PALM2AKAP2: variants seen among roughly 807,000 people sequenced by gnomAD.
PALM2AKAP2 encodes PALM2-AKAP2 fusion protein.
PALM2AKAP2 carries 37 observed loss-of-function variants against 71.5 expected under a neutral mutation model. That is an observed-to-expected ratio of 0.52 (90% CI 0.40 to 0.68). PALM2AKAP2 has a LOEUF of 0.68. Ranked by LOEUF, PALM2AKAP2 falls within the 30% of genes least tolerant of loss-of-function variation. The probability of loss-of-function intolerance (pLI) is 0.00; values close to 1 mark genes in which losing one functional copy is unlikely to be tolerated. For missense variants in PALM2AKAP2, 1,224 were observed against 1,191.8 expected (o/e 1.03, Z -0.40); for synonymous variants, 468 against 478.8 (o/e 0.98, Z 0.29).
At chr9:109,719,473 A>C (rs1828374183) in intron 1 of PALM2AKAP2, among the ~76,000 whole-genome samples, 1 of 152,244 alleles carries the variant, frequency 6.6e-6, no homozygotes, top group South Asian at 2.1e-4. Context: ...CCCAAATTCT[A>C]GATTCTGATT....
At chr9:109,885,903 A>G (rs962971423) in intron 3 of PALM2AKAP2, among the ~76,000 whole-genome samples, 3 of 152,228 alleles carry the variant, frequency 2.0e-5, no homozygotes, top group Admixed American at 6.5e-5. Context: ...TTCTTGCTAA[A>G]ATTCAAAGTA....
At chr9:109,768,383 T>C (rs574529294) in intron 1 of PALM2AKAP2, among the ~76,000 whole-genome samples, 1 of 152,350 alleles carries the variant, frequency 6.6e-6, no homozygotes, top group East Asian at 1.9e-4. Flanking sequence ...TTTTTATTGA[T>C]ACATAATGTT....
chr9:109,983,948 G>A (rs1237098175), intron 6 of PALM2AKAP2, among the ~76,000 whole-genome samples: 1 of 152,026 alleles, frequency 6.6e-6, no homozygotes, highest in African/African-American at 2.4e-5. Flanking sequence ...TAGAAAACAA[G>A]TATTCAGGAA....
chr9:109,704,022 T>A (rs2118590348), intron 1 of PALM2AKAP2, among the ~76,000 whole-genome samples: 1 of 152,332 alleles, frequency 6.6e-6, no homozygotes, highest in Non-Finnish European at 1.5e-5. Flanking sequence ...GGTTCTTGTA[T>A]CTTGGACCTC....
chr9:110,006,082 T>A (rs1257568734), intron 6 of PALM2AKAP2, among the ~76,000 whole-genome samples: 1 of 152,186 alleles, frequency 6.6e-6, no homozygotes, highest in African/African-American at 2.4e-5. Flanking sequence ...AGTACCTCAG[T>A]TGGAAATGCA....
At chr9:110,043,228 A>G (rs1833538053) in intron 7 of PALM2AKAP2, among the ~76,000 whole-genome samples, 1 of 152,210 alleles carries the variant, frequency 6.6e-6, no homozygotes. Context: ...TGCTGTTATC[A>G]GAAGTATAGG....
At chr9:109,774,671 A>T (rs1223413599) in intron 1 of PALM2AKAP2, among the ~76,000 whole-genome samples, 1 of 152,150 alleles carries the variant, frequency 6.6e-6, no homozygotes, top group Non-Finnish European at 1.5e-5. Context: ...CCTTAAAAAA[A>T]AAAAAGCCTA....
At chr9:110,081,458 T>C (rs893444669) in intron 1 of PALM2AKAP2, among the ~76,000 whole-genome samples, 2 of 152,172 alleles carry the variant, frequency 1.3e-5, no homozygotes, top group African/African-American at 4.8e-5. Context: ...TTTTTTTAGA[T>C]GTCTGTGTTT....
intron 1 of PALM2AKAP2, among the ~76,000 whole-genome samples, chr9:109,810,422 A>G (rs1200880648): frequency 6.6e-6 from 1 of 152,216 alleles, no homozygotes; most frequent in African/African-American, 2.4e-5. Flanking sequence ...AAGTATTTCT[A>G]GAAAGGGGCA....
intron 3 of PALM2AKAP2, among the ~76,000 whole-genome samples, chr9:110,168,170 A>G (rs987385366): frequency 1.3e-5 from 2 of 152,238 alleles, no homozygotes; most frequent in Admixed American, 6.5e-5. Context: ...AAATTTCTCT[A>G]TGGTGAAAAC....
intron 1 of PALM2AKAP2, among the ~76,000 whole-genome samples, chr9:109,757,683 C>T (rs962811382): frequency 6.6e-6 from 1 of 151,936 alleles, no homozygotes; most frequent in Non-Finnish European, 1.5e-5. Flanking sequence ...CTCAAGAAAA[C>T]CAACACGAGG....
chr9:109,865,755 A>C (rs1187019987), intron 1 of PALM2AKAP2, among the ~76,000 whole-genome samples: 2 of 152,234 alleles, frequency 1.3e-5, no homozygotes, highest in Non-Finnish European at 2.9e-5. Context: ...TAAATGTAGG[A>C]CAACTACATA....
Position 109,884,870 on chromosome 9 carries a change from A to T in PALM2AKAP2, c.257+4189A>T, listed in dbSNP as rs1035300528. On this transcript the variant is annotated intron_variant, in intron 3 of 9. Transcript: ENST00000302798. ...ACTGAAGGAGGAATAGAGAATAGTA[A>T]CCAAAGAACAAGGAACATTTCTACA... Among the ~76,000 whole-genome samples, 3 of 152,232 alleles carry T rather than the reference A, an allele frequency of 2.0e-5. 1 individual carries two copies. Among genetic ancestry groups the T allele is most frequent in the Non-Finnish European group, 4.4e-5 (3 of 68,038 alleles).
chr9:109,698,549 G>T (rs1828007213), intron 1 of PALM2AKAP2, among the ~76,000 whole-genome samples: 1 of 152,154 alleles, frequency 6.6e-6, no homozygotes, highest in African/African-American at 2.4e-5. Context: ...AAAGTATTGG[G>T]ATTATAGGCG....
At chr9:109,671,181 C>T (rs1017022144) in intron 1 of PALM2AKAP2, among the ~76,000 whole-genome samples, 1 of 152,054 alleles carries the variant, frequency 6.6e-6, no homozygotes, top group African/African-American at 2.4e-5. Flanking sequence ...AAATCTTTGC[C>T]TGTGCCTATG....
chr9:109,913,454 G>A (rs912606835), intron 3 of PALM2AKAP2, among the ~76,000 whole-genome samples: 9 of 152,144 alleles, frequency 5.9e-5, no homozygotes, highest in African/African-American at 2.2e-4. Context: ...CTTTGGATGT[G>A]GCAGAGATTT....
At chr9:110,134,813 C>T (rs1421488504) in intron 1 of PALM2AKAP2, among the ~76,000 whole-genome samples, 1 of 152,010 alleles carries the variant, frequency 6.6e-6, no homozygotes, top group Admixed American at 6.6e-5. Context: ...TAATACCAGG[C>T]ACATTATAAA....
At chr9:110,072,368 C>T (rs748942083) in intron 1 of PALM2AKAP2, among the ~76,000 whole-genome samples, 7 of 152,124 alleles carry the variant, frequency 4.6e-5, no homozygotes, top group Non-Finnish European at 1.0e-4. Flanking sequence ...TGGAGCAGTC[C>T]CTGATCTATC....
At chr9:109,757,474 T>C (rs1828981277) in intron 1 of PALM2AKAP2, among the ~76,000 whole-genome samples, 2 of 152,104 alleles carry the variant, frequency 1.3e-5, no homozygotes, top group Non-Finnish European at 1.5e-5. Context: ...ACAAAGTCCT[T>C]TGTGAAAAAA....
Sources: allele counts gnomAD v4.1 joint callset (sites outside exome capture counted in the v4.1 genomes callset), GRCh38; gene constraint gnomAD v4.1.1; transcripts MANE v1.5; gene names NCBI Gene and HGNC (gene_info 2026-07-23, HGNC 2026-07-21).